Variants in PDSS2 observed in about 807,000 individuals in gnomAD.
The protein encoded by PDSS2 is decaprenyl diphosphate synthase subunit 2, also known as all trans-polyprenyl-diphosphate synthase PDSS2.
A neutral mutation model predicts 44.5 loss-of-function variants in PDSS2; 31 were observed. That is an observed-to-expected ratio of 0.70 (90% CI 0.52 to 0.94). The LOEUF (loss-of-function observed/expected upper bound fraction) is 0.94, where lower values mean the gene tolerates loss of function less well. PDSS2 is among the 40% of genes least tolerant of loss of function. The pLI, the probability that PDSS2 is intolerant of heterozygous loss-of-function variation, is 0.00. For synonymous variants in PDSS2, 157 were observed against 180.3 expected, an observed-to-expected ratio of 0.87 and a Z score of 1.03; for missense variants, 452 against 482.2, an observed-to-expected ratio of 0.94 and a Z score of 0.59.
At chr6:107,344,996 C>T (rs1289430091) in intron 1 of PDSS2, among the ~76,000 whole-genome samples, 1 of 151,838 alleles carries the variant, frequency 6.6e-6, no homozygotes, top group Non-Finnish European at 1.5e-5. Context: ...ACATCTAAGC[C>T]CCTTGGGTTC....
At chr6:107,225,155 A>ATTTATT (rs1185535053) in intron 4 of PDSS2, among the ~76,000 whole-genome samples, 3 of 51,454 alleles carry the variant, frequency 5.8e-5, no homozygotes, top group African/African-American at 1.2e-4. Context: ...ATATATATAT[A>ATTTATT]TATATATTTT....
intron 5 of PDSS2, among the ~76,000 whole-genome samples, chr6:107,211,671 G>A (rs955824459): frequency 2.0e-5 from 3 of 148,830 alleles, no homozygotes; most frequent in Non-Finnish European, 3.0e-5. Flanking sequence ...CAGAGGTTGC[G>A]TTGCAGTGAG....
At chr6:107,157,365 T>C (rs570972428) in intron 7 of PDSS2, among the ~76,000 whole-genome samples, 1 of 152,104 alleles carries the variant, frequency 6.6e-6, no homozygotes, top group Non-Finnish European at 1.5e-5. Flanking sequence ...TAAAAACTTT[T>C]TGTAGAGATG....
intron 7 of PDSS2, among the ~76,000 whole-genome samples, chr6:107,192,850 G>C (rs932722947): frequency 6.6e-6 from 1 of 152,162 alleles, no homozygotes; most frequent in Non-Finnish European, 1.5e-5. Context: ...GGGGCCATGG[G>C]TGTGCCCCAC....
intron 1 of PDSS2, among the ~76,000 whole-genome samples, chr6:107,356,223 TG>T (rs1778594015): frequency 6.6e-6 from 1 of 152,242 alleles, no homozygotes; most frequent in Non-Finnish European, 1.5e-5. Flanking sequence ...TCACTCCTTT[TG>T]GGAAGCCCTC....
intron 4 of PDSS2, among the ~76,000 whole-genome samples, chr6:107,226,738 C>G (rs1005696801): frequency 3.3e-5 from 5 of 149,468 alleles, no homozygotes; most frequent in African/African-American, 1.2e-4. Context: ...GGCGCAATCT[C>G]GGCTCACTGC....
intron 1 of PDSS2, among the ~76,000 whole-genome samples, chr6:107,414,424 C>T (rs1387058834): frequency 6.6e-6 from 1 of 152,184 alleles, no homozygotes; most frequent in Non-Finnish European, 1.5e-5. Context: ...AAGGGAGTGG[C>T]AAACATGAAG....
chr6:107,235,457 C>T (rs1004059704), intron 4 of PDSS2, among the ~76,000 whole-genome samples: 11 of 152,106 alleles, frequency 7.2e-5, no homozygotes, highest in African/African-American at 2.4e-4. Context: ...AGAAAGGTCT[C>T]GCTTTAATAG....
intron 7 of PDSS2, among the ~76,000 whole-genome samples, chr6:107,192,861 T>C (rs1406857612): frequency 3.3e-5 from 5 of 151,978 alleles, no homozygotes. Flanking sequence ...TGTGCCCCAC[T>C]AGGCTGCCAG....
intron 2 of PDSS2, among the ~76,000 whole-genome samples, chr6:107,327,804 T>C (rs1486492667): frequency 6.6e-6 from 1 of 152,230 alleles, no homozygotes. Context: ...CTTCACATAA[T>C]AACTAGCTTA....
intron 3 of PDSS2, among the ~76,000 whole-genome samples, chr6:107,269,173 C>T (rs546955449): frequency 2.2e-4 from 33 of 152,242 alleles, no homozygotes; most frequent in African/African-American, 7.7e-4. Context: ...CTGCCTGCCT[C>T]AACCTCCCAA....
At chr6:107,175,496 A>G (rs1013159741) in intron 7 of PDSS2, among the ~76,000 whole-genome samples, 2 of 152,280 alleles carry the variant, frequency 1.3e-5, no homozygotes, top group South Asian at 2.1e-4. Context: ...ACACATACCT[A>G]TATCGCTAAT....
chr6:107,267,793 A>C (rs1353016147), intron 3 of PDSS2, among the ~76,000 whole-genome samples: 1 of 150,238 alleles, frequency 6.7e-6, no homozygotes, highest in African/African-American at 2.5e-5. Context: ...GGGTCTTGCT[A>C]TGTTGCCCAG....
intron 4 of PDSS2, among the ~76,000 whole-genome samples, chr6:107,220,335 A>T (rs1773559836): frequency 6.6e-6 from 1 of 152,168 alleles, no homozygotes; most frequent in South Asian, 2.1e-4. Flanking sequence ...TATGACTCTC[A>T]ATTAACTGTG....
chr6:107,228,514 T>A (rs2114720693), intron 4 of PDSS2, among the ~76,000 whole-genome samples: 1 of 152,164 alleles, frequency 6.6e-6, no homozygotes, highest in South Asian at 2.1e-4. Context: ...GCCAACGTGG[T>A]GAAACCCCGT....
chr6:107,200,255 C>A (rs538397920), intron 6 of PDSS2, among the ~76,000 whole-genome samples: 3 of 152,210 alleles, frequency 2.0e-5, no homozygotes, highest in Non-Finnish European at 4.4e-5. Context: ...ATGTTGGGAG[C>A]CAGAAAATAT....
At chr6:107,328,779 C>G (rs1049284395) in intron 2 of PDSS2, among the ~76,000 whole-genome samples, 1 of 152,194 alleles carries the variant, frequency 6.6e-6, no homozygotes, top group African/African-American at 2.4e-5. Flanking sequence ...CCTAAGAATT[C>G]TCAAATGAAG....
At chr6:107,364,927 T>C (rs1284146978) in intron 1 of PDSS2, among the ~76,000 whole-genome samples, 1 of 152,228 alleles carries the variant, frequency 6.6e-6, no homozygotes, top group Non-Finnish European at 1.5e-5. Flanking sequence ...AAATCAATGA[T>C]ACACTTAAAG....
chr6:107,273,915 G>GC, intron 3 of PDSS2, 114 bp downstream of exon 3: 2 of 785,250 alleles, frequency 2.5e-6, no homozygotes, highest in Non-Finnish European at 4.6e-6. Context: ...ACTGTTTACT[G>GC]AGCATGTACA....
Sources: gnomAD v4.1 joint callset for allele counts (sites outside exome capture counted in the v4.1 genomes callset) on GRCh38, gnomAD v4.1.1 for gene constraint, MANE v1.5 for transcripts, NCBI Gene and HGNC (gene_info 2026-07-23, HGNC 2026-07-21) for gene names.